KATNA1: variants seen among roughly 807,000 people sequenced by gnomAD.
KATNA1 encodes the protein katanin p60 ATPase-containing subunit A1.
In KATNA1, 42 loss-of-function variants were observed where a neutral mutation model predicts 62.6. That is an observed-to-expected ratio of 0.67 (90% CI 0.52 to 0.87). The LOEUF is 0.87. Ranked by LOEUF, KATNA1 falls within the 40% of genes least tolerant of loss-of-function variation. The probability of loss-of-function intolerance (pLI) is 0.00; values close to 1 mark genes in which losing one functional copy is unlikely to be tolerated. For missense variants in KATNA1, 498 were observed against 612.5 expected (o/e 0.81, Z 1.97); for synonymous variants, 186 against 201.9 (o/e 0.92, Z 0.67).
rs779559933 is a variant in KATNA1 at position 149,623,214 on chromosome 6, T to G, written c.390A>C (p.Pro130=). 1.6e-5 allele frequency: 26 copies of G among 1,613,832 alleles called. No individual in the cohort carries two copies. Among genetic ancestry groups the G allele is most frequent in the Non-Finnish European group, 2.2e-5 (26 of 1,179,906 alleles). The change falls in exon 4 of 11, where the codon CCA becomes CCC. Residue 130 remains proline (P), a synonymous_variant. Coordinates refer to ENST00000367411, the MANE Select transcript of KATNA1 (RefSeq NM_007044.4). ...YSDPKSHGNR[P]STTVRVHRSS... is the part of the protein sequence containing the mutation. ...AACGGTGAACTCTGACAGTTGTACT[T>G]GGACGATTACCATGTGATTTAGGGT...
At chr6:149,633,342 C>T (rs1004463688) in intron 2 of KATNA1, among the ~76,000 whole-genome samples, 11 of 151,984 alleles carry the variant, frequency 7.2e-5, no homozygotes, top group African/African-American at 1.7e-4. Context: ...CTCCTGACCT[C>T]GTGATCCACC....
chr6:149,634,229 C>T (rs1463300919), intron 2 of KATNA1, among the ~76,000 whole-genome samples: 1 of 149,676 alleles, frequency 6.7e-6, no homozygotes, highest in Admixed American at 6.6e-5. Context: ...GCCGAGATCG[C>T]ACCATTGCAC....
chr6:149,595,117 AG>A lies in KATNA1; in HGVS notation c.1394del (p.Ala465ValfsTer2). On this transcript the variant is annotated frameshift_variant, in exon 11 of 11. Transcript: ENST00000367411. LOFTEE classifies it high-confidence loss of function. ...ACACTGACTTAGAAACCTTTTTTAA[AG>A]CCATCTCGAAATCCTCCATAGTTGT... ...MPTTMEDFEM[A>X]LKKVSKSVSA... 1 of 1,614,120 alleles carries A rather than the reference AG, an allele frequency of 6.2e-7. No homozygotes were observed. Among genetic ancestry groups the A allele is most frequent in the Non-Finnish European group, 8.5e-7 (1 of 1,179,978 alleles).
chr6:149,639,530 C>T (rs1296624742), intron 1 of KATNA1, among the ~76,000 whole-genome samples: 2 of 151,936 alleles, frequency 1.3e-5, no homozygotes, highest in Non-Finnish European at 2.9e-5. Flanking sequence ...ACCAGGGAGT[C>T]GGAGGCTGCA....
rs879705450 is a variant in KATNA1 at position 149,596,574 on chromosome 6, CT to C, written c.1277+488del. Among the ~76,000 whole-genome samples, 170 of 146,624 alleles carry C rather than the reference CT, an allele frequency of 1.2e-3. 1 individual carries two copies. Among genetic ancestry groups the C allele is most frequent in the East Asian group, 2.4e-3 (12 of 5,024 alleles). On this transcript the variant is annotated intron_variant, in intron 10 of 10. Transcript: ENST00000367411. ...AACTGGAATGTGGGTCTTTATTCAT[CT>C]TTTTTTTTTTTCTTTGGACACAGGG... is the stretch of plus-strand genomic sequence containing the variant.
chr6:149,646,787 AT>A (rs1780501093), intron 1 of KATNA1, among the ~76,000 whole-genome samples: 1 of 152,366 alleles, frequency 6.6e-6, no homozygotes, highest in East Asian at 1.9e-4. Context: ...TAAAAGTCAT[AT>A]TCAAGCCCTA....
chr6:149,608,050 A>G (rs1481172687), intron 4 of KATNA1, among the ~76,000 whole-genome samples: 2 of 152,248 alleles, frequency 1.3e-5, no homozygotes, highest in East Asian at 3.8e-4. Flanking sequence ...TGGGCGACAG[A>G]GTGAGACTCC....
chr6:149,639,180 T>G (rs775545451), intron 1 of KATNA1, among the ~76,000 whole-genome samples: 1 of 151,876 alleles, frequency 6.6e-6, no homozygotes, highest in Non-Finnish European at 1.5e-5. Context: ...ATGCCTATAG[T>G]CCCAGCTACT....
rs1312632051 is a variant in KATNA1, at chr6:149,597,044, C to T, written c.1277+19G>A. On this transcript the variant is annotated intron_variant, in intron 10 of 10. Coordinates refer to ENST00000367411, the MANE Select transcript of KATNA1 (RefSeq NM_007044.4). The stretch of plus-strand genomic sequence containing the variant: ...AAGTTTATGCTTACAAAAACCTATG[C>T]TTCCATGATAATTCATACCTGCACA... The T allele has an allele frequency of 3.1e-6, 5 of 1,607,902 alleles. No homozygotes were observed. In the East Asian group the frequency reaches 1.1e-4, roughly 36 times the overall value.
At chr6:149,612,427 T>C (rs900488685) in intron 4 of KATNA1, among the ~76,000 whole-genome samples, 1 of 152,050 alleles carries the variant, frequency 6.6e-6, no homozygotes, top group Non-Finnish European at 1.5e-5. Flanking sequence ...GAGAATCTAT[T>C]GAACCCAGGA....
At chr6:149,619,664 G>T (rs9386256) in intron 4 of KATNA1, among the ~76,000 whole-genome samples, 12,281 of 151,814 alleles carry the variant, frequency 0.081, 1,021 homozygotes, top group East Asian at 0.43. Flanking sequence ...TTTAGAGAAA[G>T]AATTCATATA....
At chr6:149,611,837 A>C (rs1778971886) in intron 4 of KATNA1, among the ~76,000 whole-genome samples, 1 of 152,018 alleles carries the variant, frequency 6.6e-6, no homozygotes, top group South Asian at 2.1e-4. Flanking sequence ...GTCACTGCTA[A>C]AAATACAAAA....
rs1780155385 is a variant in KATNA1, at chr6:149,638,580, A to G, written c.-13-20T>C. On this transcript the variant is annotated intron_variant, in intron 1 of 10. Coordinates refer to ENST00000367411, the MANE Select transcript of KATNA1 (RefSeq NM_007044.4). ...TGTAAGCTAAAAAGAAGAAGAAAAAAAGAAACACTTTAGGTTTACATGTCT... is the reference window on the plus strand; with the variant it reads ...TGTAAGCTAAAAAGAAGAAGAAAAAGAGAAACACTTTAGGTTTACATGTCT... 4 of 1,540,864 alleles carry G rather than the reference A, an allele frequency of 2.6e-6. No homozygotes were observed. In the South Asian group the frequency reaches 4.6e-5, roughly 18 times the overall value.
intron 3 of KATNA1, among the ~76,000 whole-genome samples, chr6:149,623,507 T>A (rs1374000324): frequency 2.0e-5 from 3 of 152,038 alleles, no homozygotes; most frequent in Non-Finnish European, 2.9e-5. Context: ...GAGGCCAAGG[T>A]GGGTGGATCA....
intron 4 of KATNA1, among the ~76,000 whole-genome samples, chr6:149,615,808 T>A (rs1779148943): frequency 6.6e-6 from 1 of 151,962 alleles, no homozygotes; most frequent in Non-Finnish European, 1.5e-5. Flanking sequence ...TAAAATTAAT[T>A]AATAAAATAA....
chr6:149,598,387 CTAT>C (rs1562278700), intron 7 of KATNA1, 37 bp from the exon 8 acceptor site: 1 of 1,599,788 alleles, frequency 6.3e-7, no homozygotes, highest in East Asian at 2.2e-5. Flanking sequence ...AGCTATTAAG[CTAT>C]TATTTCATTT....
chr6:149,645,009 G>A (rs1041321877), intron 1 of KATNA1, among the ~76,000 whole-genome samples: 2 of 152,116 alleles, frequency 1.3e-5, no homozygotes, highest in East Asian at 1.9e-4. Flanking sequence ...CATCCTTCTC[G>A]AATGTCACAA....
rs1243112103 is a variant in KATNA1, at chr6:149,604,802, C to A, written c.502-20G>T. 1 of 1,604,062 alleles carries A rather than the reference C, an allele frequency of 6.2e-7. No homozygotes were observed. On this transcript the variant is annotated intron_variant, in intron 4 of 10. Transcript: ENST00000367411. ...TTTGTTCTACATGAAGAGAAAAAAA[C>A]AAGCGCTTTTGATTCATTTATTTTG...
intron 4 of KATNA1, among the ~76,000 whole-genome samples, chr6:149,605,778 T>C (rs1778713017): frequency 6.6e-6 from 1 of 152,164 alleles, no homozygotes; most frequent in Non-Finnish European, 1.5e-5. Context: ...TATTTATTTA[T>C]TTATTTTTGA....
Sources: allele counts gnomAD v4.1 joint callset (sites outside exome capture counted in the v4.1 genomes callset), GRCh38; gene constraint gnomAD v4.1.1; transcripts MANE v1.5; gene names NCBI Gene and HGNC (gene_info 2026-07-23, HGNC 2026-07-21).